The following RARB variants were observed in gnomAD, a reference collection of about 807,000 sequenced individuals.
RARB encodes HBV-activated protein.
RARB carries 17 observed loss-of-function variants against 51.9 expected under a neutral mutation model. That is an observed-to-expected ratio of 0.33 (90% CI 0.22 to 0.49). The LOEUF (loss-of-function observed/expected upper bound fraction) is 0.49, where lower values mean the gene tolerates loss of function less well. Ranked by LOEUF, RARB falls within the 20% of genes least tolerant of loss-of-function variation. The pLI is 0.99. For missense variants in RARB, 369 were observed against 550.8 expected (o/e 0.67, Z 3.30); for synonymous variants, 215 against 195.4 (o/e 1.10, Z -0.84).
intron 3 of RARB, among the ~76,000 whole-genome samples, chr3:25,091,457 C>T (rs1699197476): frequency 6.6e-6 from 1 of 152,138 alleles, no homozygotes; most frequent in Admixed American, 6.6e-5. Flanking sequence ...GAAATAGCGG[C>T]TTCTGAACTA....
chr3:25,314,485 T>C (rs1704369181), intron 5 of RARB, among the ~76,000 whole-genome samples: 2 of 152,188 alleles, frequency 1.3e-5, no homozygotes, highest in Admixed American at 1.3e-4. Context: ...TTTAAGTTTC[T>C]TGTGTTGCAA....
intron 2 of RARB, among the ~76,000 whole-genome samples, chr3:25,479,080 C>T (rs760422772): frequency 2.0e-5 from 3 of 152,020 alleles, no homozygotes; most frequent in Non-Finnish European, 4.4e-5. Context: ...AGAAAGAGCA[C>T]TTGAAACAGG....
chr3:24,956,410 C>A (rs1184120045), intron 2 of RARB, among the ~76,000 whole-genome samples: 1 of 152,158 alleles, frequency 6.6e-6, no homozygotes, highest in African/African-American at 2.4e-5. Context: ...TGTGACTGAA[C>A]TCTTTGTAAC....
chr3:25,152,475 T>A (rs887688355), intron 4 of RARB, among the ~76,000 whole-genome samples: 2 of 152,210 alleles, frequency 1.3e-5, no homozygotes, highest in Admixed American at 1.3e-4. Context: ...CTTTTTCTTT[T>A]ATTTACAAAG....
At chr3:25,151,911 T>A (rs1333503368) in intron 4 of RARB, among the ~76,000 whole-genome samples, 1 of 122,110 alleles carries the variant, frequency 8.2e-6, no homozygotes, top group East Asian at 3.2e-4. Context: ...AAATCCCTTT[T>A]TATAGATTTT....
At chr3:25,347,889 C>G (rs958881198) in intron 5 of RARB, among the ~76,000 whole-genome samples, 3 of 152,178 alleles carry the variant, frequency 2.0e-5, no homozygotes, top group Non-Finnish European at 4.4e-5. Flanking sequence ...GGAGTATGTA[C>G]AGCCCTGGTA....
intron 5 of RARB, among the ~76,000 whole-genome samples, chr3:25,342,025 G>T (rs1705244766): frequency 6.6e-6 from 1 of 152,152 alleles, no homozygotes; most frequent in Non-Finnish European, 1.5e-5. Context: ...GTTCCCCATT[G>T]TATTGTAGCA....
chr3:25,240,696 G>A (rs756225130), intron 5 of RARB, among the ~76,000 whole-genome samples: 11 of 152,146 alleles, frequency 7.2e-5, no homozygotes, highest in Admixed American at 1.3e-4. Flanking sequence ...TGTTCATGGT[G>A]TATTATCTTT....
At chr3:24,906,844 C>CAAAAAAAAA (rs397875286) in intron 2 of RARB, among the ~76,000 whole-genome samples, 3 of 76,036 alleles carry the variant, frequency 3.9e-5, no homozygotes, top group Non-Finnish European at 7.7e-5. Flanking sequence ...GATTCCGTCT[C>CAAAAAAAAA]AAAAAAAAAA....
At chr3:25,207,873 G>A (rs566243737) in intron 5 of RARB, among the ~76,000 whole-genome samples, 3 of 152,282 alleles carry the variant, frequency 2.0e-5, no homozygotes, top group Admixed American at 1.3e-4. Context: ...AGATTTAATT[G>A]GCTCACAGTT....
At position 25,384,748 on chromosome 3, in the gene RARB, C is replaced by T. The variant is rs550577608; in HGVS notation, c.179-76445C>T. 2.2e-4 allele frequency among the ~76,000 whole-genome samples: 33 copies of T among 152,246 alleles called. 1 individual carries two copies. The highest frequency in any genetic ancestry group is 6.5e-4 in the Admixed American group (10 of 15,284). On this transcript the variant is annotated intron_variant, in intron 5 of 11. Coordinates refer to the RARB transcript ENST00000383772. Reference sequence around the variant, plus strand: ...AGTTGCAGTTTATTTCAGTTGTCTACGAACATACTCCCAGAAAAGAGTATT... The same window carrying T: ...AGTTGCAGTTTATTTCAGTTGTCTATGAACATACTCCCAGAAAAGAGTATT...
chr3:25,233,253 C>T (rs1379045209), intron 5 of RARB, among the ~76,000 whole-genome samples: 1 of 152,044 alleles, frequency 6.6e-6, no homozygotes, highest in East Asian at 1.9e-4. Context: ...GCCACAGCAC[C>T]CAGCCATTAA....
intron 1 of RARB, among the ~76,000 whole-genome samples, chr3:25,451,216 G>A (rs968058651): frequency 6.6e-6 from 1 of 152,374 alleles, no homozygotes; most frequent in East Asian, 1.9e-4. Context: ...CACTTACTGT[G>A]TGTCAGGCAA....
At chr3:25,497,392 A>G (rs2568875) in intron 2 of RARB, among the ~76,000 whole-genome samples, 52,814 of 152,014 alleles carry the variant, frequency 0.35, 10,250 homozygotes, top group African/African-American at 0.53. Flanking sequence ...GCAGATAGAC[A>G]GTCTCTCTTT....
rs1041096677 is a variant in RARB, at chr3:24,989,378, T to C, written c.-379-70747T>C. Among the ~76,000 whole-genome samples the C allele has an allele frequency of 5.3e-5, 8 of 152,124 alleles. 1 individual carries two copies. The highest frequency in any genetic ancestry group is 1.9e-4 in the African/African-American group (8 of 41,420). On this transcript the variant is annotated intron_variant, in intron 2 of 11. Transcript: ENST00000383772. ...TCAGGTAAATACTTGAAAGTAGGAA[T>C]TGTTGTTACGTAGGAAAACATTACT...
At position 25,290,263 on chromosome 3, in the gene RARB, A is replaced by G. The variant is rs147548533; in HGVS notation, c.178+115688A>G. On this transcript the variant is annotated intron_variant, in intron 5 of 11. Coordinates refer to the RARB transcript ENST00000383772. ...GCAATCTAGCTAAAATGAAATCATT[A>G]ATCCAATAGGACTAACATCCTTATG... is the stretch of plus-strand genomic sequence containing the variant. Among the ~76,000 whole-genome samples, 20 of 152,316 alleles carry G rather than the reference A, an allele frequency of 1.3e-4. No homozygotes were observed. The East Asian group carries it at 3.7e-3, about 28-fold the overall frequency.
At chr3:25,192,845 A>C (rs1405309947) in intron 5 of RARB, among the ~76,000 whole-genome samples, 4 of 152,006 alleles carry the variant, frequency 2.6e-5, no homozygotes, top group Non-Finnish European at 5.9e-5. Context: ...CTGGCATAGT[A>C]TCTAGTCCCT....
intron 5 of RARB, among the ~76,000 whole-genome samples, chr3:25,189,149 G>A (rs984623356): frequency 1.3e-5 from 2 of 152,116 alleles, no homozygotes; most frequent in Non-Finnish European, 2.9e-5. Context: ...ATGTGTGTTT[G>A]TGTTTTTAAT....
chr3:25,517,044 A>G (rs1175310870), intron 3 of RARB, among the ~76,000 whole-genome samples: 2 of 152,236 alleles, frequency 1.3e-5, no homozygotes, highest in Non-Finnish European at 2.9e-5. Context: ...ACGAGCAATT[A>G]ATCCAGCATT....
Sources: allele counts gnomAD v4.1 joint callset (sites outside exome capture counted in the v4.1 genomes callset), GRCh38; gene constraint gnomAD v4.1.1; transcripts MANE v1.5; gene names NCBI Gene and HGNC (gene_info 2026-07-23, HGNC 2026-07-21).